The following SELENON variants were observed in gnomAD, a reference collection of about 807,000 sequenced individuals.
SELENON encodes the protein selenoprotein N, 1.
SELENON carries 44 observed loss-of-function variants against 59.5 expected under a neutral mutation model. The observed-to-expected ratio is 0.74, with a 90% confidence interval of 0.58 to 0.95. The LOEUF is 0.95. Ranked by LOEUF, SELENON falls within the 40% of genes least tolerant of loss-of-function variation. The probability of loss-of-function intolerance (pLI) is 0.00; values close to 1 mark genes in which losing one functional copy is unlikely to be tolerated. For synonymous variants in SELENON, 320 were observed against 305.6 expected, an observed-to-expected ratio of 1.05 and a Z score of -0.49; for missense variants, 674 against 721.4, an observed-to-expected ratio of 0.93 and a Z score of 0.75.
chr1:25,808,505 C>T (rs2047928123), intron 4 of SELENON, 75 bp from the exon 4 acceptor site: 1 of 1,561,644 alleles, frequency 6.4e-7, no homozygotes, highest in African/African-American at 1.4e-5. Context: ...TTGAGGGAGA[C>T]CTCCACCCAC....
chr1:25,811,380 G>A, intron 7 of SELENON, 74 bp from the exon 7 acceptor site: 2 of 1,269,864 alleles, frequency 1.6e-6, no homozygotes, highest in Non-Finnish European at 2.3e-6. Context: ...GACAGTTGCA[G>A]GTATTATGTG....
At chr1:25,802,651 C>T (rs1009590903) in intron 3 of SELENON, among the ~76,000 whole-genome samples, 6 of 152,218 alleles carry the variant, frequency 3.9e-5, no homozygotes, top group Admixed American at 6.5e-5. Flanking sequence ...CCACTGTGCC[C>T]GGCCTCCTAT....
Position 25,811,870 on chromosome 1 carries a change from C to A in SELENON, c.1272C>A (p.Pro424=). Residue 424 remains proline (P), a synonymous_variant, in exon 9 of 13, where the codon CCC becomes CCA. Transcript: ENST00000361547. ...GGCGCCTGGAGGTGGCCATGTACCC[C>A]TTCAAGAAGGTGAGGCTGGGCAGGG... is the stretch of plus-strand genomic sequence containing the variant. 6.4e-7 allele frequency: 1 copy of A among 1,564,274 alleles called. No individual in the cohort carries two copies. Among genetic ancestry groups the A allele is most frequent in the East Asian group, 2.4e-5 (1 of 42,356 alleles).
intron 2 of SELENON, 86 bp downstream of exon 2, chr1:25,801,246 G>C: frequency 9.7e-7 from 1 of 1,035,110 alleles, no homozygotes; most frequent in South Asian, 1.3e-5. Flanking sequence ...TGGAGTGGAG[G>C]GAAGCTCGTG....
chr1:25,809,258 G>A, intron 6 of SELENON, 108 bp downstream of exon 5: 1 of 1,513,842 alleles, frequency 6.6e-7, no homozygotes, highest in Non-Finnish European at 9.0e-7. Flanking sequence ...TCCTCCCACT[G>A]CCGTCTTGGG....
rs764225975 is a variant in SELENON, at chr1:25,809,137, A to G, written c.859A>G (p.Thr287Ala). 4.3e-6 allele frequency: 7 copies of G among 1,613,500 alleles called. No homozygotes were observed. Among genetic ancestry groups the G allele is most frequent in the East Asian group, 2.2e-5 (1 of 44,862 alleles). Residue 287 changes from threonine (T) to alanine (A), a missense_variant, in exon 6 of 13, where the codon ACT (threonine) becomes GCT (alanine). Coordinates refer to ENST00000361547, the MANE Select transcript of SELENON (RefSeq NM_020451.3). Reference sequence around the variant, plus strand: ...GACTGCCATCAGCGACTTCTACTACACTGTGATGTTCCGGTGAGTGGGCCA... The same window carrying G: ...GACTGCCATCAGCGACTTCTACTACGCTGTGATGTTCCGGTGAGTGGGCCA...
At chr1:25,805,396 C>A in intron 4 of SELENON, 121 bp downstream of exon 3, 1 of 1,366,064 alleles carries the variant, frequency 7.3e-7, no homozygotes, top group Non-Finnish European at 1.0e-6. Context: ...CCTGGAGGTC[C>A]ATGTGCGGTG....
chr1:25,805,256 G>T lies in SELENON; in HGVS notation c.518G>T (p.Ser173Ile). 1 of 1,614,178 alleles carries T rather than the reference G, an allele frequency of 6.2e-7. No individual in the cohort carries two copies. Among genetic ancestry groups the T allele is most frequent in the Non-Finnish European group, 8.5e-7 (1 of 1,180,038 alleles). ...CTGCTCCCGGAGACCATGACCAAGA[G>T]CAAAGATGGCTTCCTAGGGGTGAGT... Residue 173 changes from serine to isoleucine, a missense_variant, in exon 4 of 13, where the codon AGC (serine) becomes ATC (isoleucine). Transcript: ENST00000361547.
Position 25,809,961 on chromosome 1 carries a change from A to C in SELENON, c.1010+141A>C, listed in dbSNP as rs6686366. The C allele has an allele frequency of 0.8, 870,597 of 1,089,978 alleles. 349,431 individuals are homozygous for C. The highest frequency in any genetic ancestry group is 0.97 in the East Asian group (39,474 of 40,648). 67.5% of individuals were successfully genotyped at this position (1,089,978 alleles called of 1,614,324 possible). A position where few individuals can be genotyped will look rare whatever the true frequency, so the allele number is the denominator to read the frequency against. ...CATCTCATGGGGCTGACGTGGCAGG[A>C]GGCGGCATGAGGCAGGCAAGAGAAT... is the stretch of plus-strand genomic sequence containing the variant. On this transcript the variant is annotated intron_variant, in intron 7 of 12. Transcript: ENST00000361547.
rs749579728 is a variant in SELENON at position 25,801,051 on chromosome 1, G to A, written c.192G>A (p.Ala64=). Reference sequence around the variant, plus strand: ...TCTCTCCTCCCAAGCAGGAACTGGCGCTGAAGACCCTGGGGACAGATGGCC... The same window carrying A: ...TCTCTCCTCCCAAGCAGGAACTGGCACTGAAGACCCTGGGGACAGATGGCC... The change falls in exon 2 of 13, where the codon GCG becomes GCA. Residue 64 remains alanine (A), a synonymous_variant. Transcript: ENST00000361547. The A allele has an allele frequency of 5.0e-6, 8 of 1,613,938 alleles. No individual in the cohort carries two copies. The highest frequency in any genetic ancestry group is 8.5e-7 in the Non-Finnish European group (1 of 1,179,912).
intron 4 of SELENON, among the ~76,000 whole-genome samples, chr1:25,805,606 C>A (rs1032571297): frequency 1.3e-5 from 2 of 151,804 alleles, no homozygotes; most frequent in African/African-American, 2.4e-5. Flanking sequence ...CAGTAGAGAC[C>A]CTGTTAGTGC....
At chr1:25,812,564 A>ACACACACACACAC (rs2047973228) in intron 9 of SELENON, 123 bp from the exon 9 acceptor site, 11 of 574,422 alleles carry the variant, frequency 1.9e-5, no homozygotes, top group Admixed American at 8.1e-5. Context: ...CCTACACACA[A>ACACACACACACAC]ACACACACAC....
intron 3 of SELENON, among the ~76,000 whole-genome samples, chr1:25,804,542 G>A (rs1444372510): frequency 4.0e-5 from 6 of 150,898 alleles, no homozygotes; most frequent in African/African-American, 1.2e-4. Context: ...TACTGGGAAG[G>A]TTATAGACTT....
At position 25,805,118 on chromosome 1, in the gene SELENON, C is replaced by CT. The variant is rs560595923; in HGVS notation, c.404-23dup. The stretch of plus-strand genomic sequence containing the variant: ...GAGCCCTGTAGCATAAGGGCAGTGC[C>CT]TCTCCGATGTCTGTGTCTCATAGGG... On this transcript the variant is annotated intron_variant, in intron 3 of 12. Coordinates refer to ENST00000361547, the MANE Select transcript of SELENON (RefSeq NM_020451.3). 1,329 of 1,612,362 alleles carry CT rather than the reference C, an allele frequency of 8.2e-4. 10 individuals carry two copies. In the South Asian group the frequency reaches 0.014, roughly 17 times the overall value.
In SELENON at chr1:25,809,006, G is replaced by A. The variant is rs776094927; in HGVS notation, c.748-20G>A. On this transcript the variant is annotated intron_variant, in intron 5 of 12. Transcript: ENST00000361547. ...CCAGCGGGACCCAGCAAGCCAGTACGTGCCTCCCGCCGCCCCCAGGTCATC... is the reference window on the plus strand; with the variant it reads ...CCAGCGGGACCCAGCAAGCCAGTACATGCCTCCCGCCGCCCCCAGGTCATC... 17 of 1,613,320 alleles carry A rather than the reference G, an allele frequency of 1.1e-5. No homozygotes were observed. The highest frequency in any genetic ancestry group is 1.2e-5 in the Non-Finnish European group (14 of 1,179,926).
intron 3 of SELENON, among the ~76,000 whole-genome samples, chr1:25,803,858 A>G (rs749748665): frequency 2.0e-5 from 3 of 152,018 alleles, no homozygotes; most frequent in Non-Finnish European, 4.4e-5. Flanking sequence ...GTGCACCACC[A>G]TGCCCAGCTA....
At chr1:25,810,360 T>TGCCTCACCTCCTC (rs1404269730) in intron 7 of SELENON, among the ~76,000 whole-genome samples, 3 of 152,202 alleles carry the variant, frequency 2.0e-5, no homozygotes, top group African/African-American at 7.2e-5. Context: ...GCCACCTGCT[T>TGCCTCACCTCCTC]GCCTCACCTC....
rs2047850902 is a variant in SELENON at position 25,800,420 on chromosome 1, G to A, written c.183+7G>A. 1.8e-6 allele frequency: 2 copies of A among 1,097,146 alleles called. No individual in the cohort carries two copies. The highest frequency in any genetic ancestry group is 1.7e-5 in the African/African-American group (1 of 59,984). The allele number at this position is 1,097,146 out of a possible 1,614,324, so 68.0% of individuals were successfully genotyped here. On this transcript the variant is annotated splice_region_variant and intron_variant, in intron 1 of 12. Transcript: ENST00000361547. The stretch of plus-strand genomic sequence containing the variant: ...CCAGGCGGCCGCGCGGCAGGTCCGG[G>A]CCCGAGCTGGCTGGGGCGGGAGCGC...
At position 25,818,070 on chromosome 1, in the gene SELENON, TTC is replaced by T. The variant is rs1192594586; in HGVS notation, c.*2354_*2355del. 6.6e-6 allele frequency: 1 copy of T among 152,322 alleles called. No individual in the cohort carries two copies. Among genetic ancestry groups the T allele is most frequent in the African/African-American group, 2.4e-5 (1 of 41,458 alleles). 9.4% of individuals were successfully genotyped at this position (152,322 alleles called of 1,614,324 possible). A position where few individuals can be genotyped will look rare whatever the true frequency, so the allele number is the denominator to read the frequency against. On this transcript the variant is annotated 3_prime_UTR_variant, in exon 13 of 13. Transcript: ENST00000361547. ...CCCATGGAAAATGATGGCCTGGGCTTTCTGAGGCCTTATCTGATGCCTCTGCA... is the reference window on the plus strand; with the variant it reads ...CCCATGGAAAATGATGGCCTGGGCTTTGAGGCCTTATCTGATGCCTCTGCA...
Sources: allele counts gnomAD v4.1 joint callset (sites outside exome capture counted in the v4.1 genomes callset), GRCh38; gene constraint gnomAD v4.1.1; transcripts MANE v1.5; gene names NCBI Gene and HGNC (gene_info 2026-07-23, HGNC 2026-07-21).